Variants in PRKG1 observed in about 807,000 individuals in gnomAD.
PRKG1 encodes the protein protein kinase cGMP-dependent 1.
PRKG1 carries 35 observed loss-of-function variants against 88.1 expected under a neutral mutation model. The observed-to-expected ratio is 0.40, with a 90% CI of 0.30 to 0.53. The LOEUF is 0.53. PRKG1 is among the 20% of genes least tolerant of loss of function. The pLI, the probability that PRKG1 is intolerant of heterozygous loss-of-function variation, is 0.59. For synonymous variants in PRKG1, 303 were observed against 292.5 expected (o/e 1.04, Z -0.37); for missense variants, 540 against 839.8 (o/e 0.64, Z 4.41).
intron 5 of PRKG1, among the ~76,000 whole-genome samples, chr10:51,942,321 T>C (rs1253113556): frequency 3.9e-5 from 6 of 152,060 alleles, no homozygotes; most frequent in South Asian, 2.1e-4. Context: ...CTTGTAAATT[T>C]GTTTGAGTTC....
rs1233677142 is a variant in PRKG1 at position 51,473,224 on chromosome 10, GAATCAATTC to G, written c.592+5390_592+5398del. 2.0e-5 allele frequency among the ~76,000 whole-genome samples: 3 copies of G among 151,624 alleles called. No individual in the cohort carries two copies. In the East Asian group the frequency reaches 5.8e-4, roughly 29 times the overall value. ...AAATAAATTAATTTCTTTAATAAAG[GAATCAATTC>G]ACTAGGTATCAATGATGCTACATAA... On this transcript the variant is annotated intron_variant, in intron 3 of 17. Transcript: ENST00000373980.
At position 51,462,121 on chromosome 10, in the gene PRKG1, C is replaced by A. The variant is rs1332228449; in HGVS notation, c.479-5602C>A. Among the ~76,000 whole-genome samples the A allele has an allele frequency of 3.9e-5, 6 of 152,240 alleles. No individual in the cohort carries two copies. In the East Asian group the frequency reaches 1.2e-3, roughly 29 times the overall value. On this transcript the variant is annotated intron_variant, in intron 2 of 17. Coordinates refer to ENST00000373980, the MANE Select transcript of PRKG1 (RefSeq NM_006258.4). ...GTAATGTAAAAGCCACAAACTCCAA[C>A]CTACAAAATCATGAAGGTATAGTCA...
intron 3 of PRKG1, among the ~76,000 whole-genome samples, chr10:51,691,523 T>C (rs1384723734): frequency 6.6e-6 from 1 of 152,008 alleles, no homozygotes; most frequent in Non-Finnish European, 1.5e-5. Flanking sequence ...ACCATGCTGC[T>C]CAGGCTGGTC....
At chr10:51,427,585 T>C (rs1401967295) in intron 2 of PRKG1, among the ~76,000 whole-genome samples, 4 of 152,180 alleles carry the variant, frequency 2.6e-5, no homozygotes, top group Non-Finnish European at 4.4e-5. Flanking sequence ...AGGGGATTCA[T>C]TGGCAAGAGC....
chr10:51,591,463 C>G (rs1838311132), intron 3 of PRKG1, among the ~76,000 whole-genome samples: 1 of 152,140 alleles, frequency 6.6e-6, no homozygotes. Flanking sequence ...TGAGGATTTT[C>G]CTCATAGATA....
rs190188179 is a variant in PRKG1 at position 51,205,774 on chromosome 10, T to C, written c.478+52444T>C. ...GTCTCAAGCTCCTGGCCTCAGGTGA[T>C]CCACCTGCCTCAGCCTCCCAAAGTG... is the stretch of plus-strand genomic sequence containing the variant. On this transcript the variant is annotated intron_variant, in intron 2 of 17. Coordinates refer to ENST00000373980, the MANE Select transcript of PRKG1 (RefSeq NM_006258.4). 2.5e-3 allele frequency among the ~76,000 whole-genome samples: 374 copies of C among 152,258 alleles called. 3 individuals are homozygous for C. Among genetic ancestry groups the C allele is most frequent in the African/African-American group, 8.7e-3 (361 of 41,556 alleles).
chr10:51,939,496 G>T (rs541378854), intron 5 of PRKG1, among the ~76,000 whole-genome samples: 3 of 152,066 alleles, frequency 2.0e-5, no homozygotes, highest in African/African-American at 7.2e-5. Flanking sequence ...GCTTAACATT[G>T]CTTTGCTTCT....
In PRKG1 at chr10:52,267,715, T is replaced by C. The variant is rs968647189; in HGVS notation, c.1174-3635T>C. On this transcript the variant is annotated intron_variant, in intron 10 of 17. Transcript: ENST00000373980. ...CACTGTGAGATCATAAAATGCATGC[T>C]GACTTGTAATCAGTATCTTTTATTC... 3.9e-5 allele frequency among the ~76,000 whole-genome samples: 6 copies of C among 152,072 alleles called. No homozygotes were observed. In the South Asian group the frequency reaches 6.2e-4, roughly 16 times the overall value.
intron 2 of PRKG1, among the ~76,000 whole-genome samples, chr10:51,202,523 A>G (rs985550683): frequency 3.3e-5 from 5 of 152,116 alleles, no homozygotes; most frequent in African/African-American, 7.2e-5. Context: ...AGAAAACCCC[A>G]TTTTAGACAG....
chr10:51,736,950 A>C (rs949477027), intron 3 of PRKG1, among the ~76,000 whole-genome samples: 3 of 152,092 alleles, frequency 2.0e-5, no homozygotes, highest in African/African-American at 7.2e-5. Context: ...AATCCATCTT[A>C]CTTTTGATAC....
intron 2 of PRKG1, among the ~76,000 whole-genome samples, chr10:51,417,605 G>C (rs1185039787): frequency 1.3e-5 from 2 of 152,088 alleles, no homozygotes; most frequent in Admixed American, 6.6e-5. Context: ...AAAAATTGTA[G>C]AACATAGTAG....
chr10:51,636,539 C>T (rs1207521414), intron 3 of PRKG1, among the ~76,000 whole-genome samples: 1 of 152,150 alleles, frequency 6.6e-6, no homozygotes, highest in Admixed American at 6.5e-5. Flanking sequence ...TGATATAAAA[C>T]AGTGCTCAAT....
At chr10:51,232,826 G>T (rs1048895279) in intron 2 of PRKG1, among the ~76,000 whole-genome samples, 2 of 152,110 alleles carry the variant, frequency 1.3e-5, no homozygotes, top group African/African-American at 4.8e-5. Context: ...CCCTACCTTG[G>T]CTCCTAGAAG....
chr10:51,845,906 A>G (rs981861706), intron 4 of PRKG1, among the ~76,000 whole-genome samples: 3 of 151,856 alleles, frequency 2.0e-5, no homozygotes, highest in Non-Finnish European at 4.4e-5. Context: ...ATTTACATAT[A>G]TTAATTGAAT....
At chr10:51,967,726 G>T (rs1036607198) in intron 5 of PRKG1, among the ~76,000 whole-genome samples, 3 of 152,022 alleles carry the variant, frequency 2.0e-5, no homozygotes, top group African/African-American at 7.2e-5. Context: ...TTGGAATCCC[G>T]CCGTTCCTCA....
intron 5 of PRKG1, among the ~76,000 whole-genome samples, chr10:51,962,107 T>C (rs1182870661): frequency 6.6e-6 from 1 of 151,848 alleles, no homozygotes; most frequent in African/African-American, 2.4e-5. Flanking sequence ...AAGCAAAGAG[T>C]ACACCACAGG....
intron 9 of PRKG1, among the ~76,000 whole-genome samples, chr10:52,235,200 G>A (rs1382834987): frequency 5.4e-3 from 407 of 75,372 alleles, no homozygotes; most frequent in East Asian, 6.7e-3. Context: ...GGTACCAGCC[G>A]CTGCAAAATC....
At chr10:51,476,916 C>T (rs1840210799) in intron 3 of PRKG1, among the ~76,000 whole-genome samples, 1 of 151,938 alleles carries the variant, frequency 6.6e-6, no homozygotes, top group Non-Finnish European at 1.5e-5. Flanking sequence ...GTACATGCCG[C>T]TTGGCTATGT....
At chr10:51,417,074 T>C (rs1014436040) in intron 2 of PRKG1, among the ~76,000 whole-genome samples, 4 of 152,218 alleles carry the variant, frequency 2.6e-5, no homozygotes, top group East Asian at 3.8e-4. Flanking sequence ...TATTTACATA[T>C]TATGTTTCTT....
Sources: allele counts gnomAD v4.1 joint callset (sites outside exome capture counted in the v4.1 genomes callset), GRCh38; gene constraint gnomAD v4.1.1; transcripts MANE v1.5; gene names NCBI Gene and HGNC (gene_info 2026-07-23, HGNC 2026-07-21).